The following CMYA5 variants were observed in gnomAD, a reference collection of about 807,000 sequenced individuals.
CMYA5 encodes cardiomyopathy-associated protein 5.
In CMYA5, 246 loss-of-function variants were observed where a neutral mutation model predicts 318.9. The ratio of observed to expected loss-of-function variants is 0.77; its 90% CI spans 0.70 to 0.86. The LOEUF is 0.86. Among genes scored for constraint, CMYA5 ranks in the 40% least tolerant of loss-of-function variants. The probability of loss-of-function intolerance (pLI) is 0.00; values close to 1 mark genes in which losing one functional copy is unlikely to be tolerated. For missense variants in CMYA5, 4,589 were observed against 4,678.2 expected (o/e 0.98, Z 0.56); for synonymous variants, 1,641 against 1,729.5 (o/e 0.95, Z 1.27).
chr5:79,791,180 C>T (rs763801937), intron 11 of CMYA5, 111 bp downstream of exon 11: 15 of 684,766 alleles, frequency 2.2e-5, no homozygotes, highest in South Asian at 7.0e-5. Flanking sequence ...GTGAACATGT[C>T]GGGATGTGGT....
At position 79,738,612 on chromosome 5, in the gene CMYA5, T is replaced by G; in HGVS notation, c.9847T>G (p.Trp3283Gly). Residue 3283 changes from tryptophan (W) to glycine (G), a missense_variant, in exon 2 of 13, where the codon TGG becomes GGG. Coordinates refer to ENST00000446378, the MANE Select transcript of CMYA5 (RefSeq NM_153610.5). ...YQPIAAEGEI[W>G]GKFGTICREK... ...ACCGATAGCTGCAGAAGGGGAAATT[T>G]GGGGAAAGTTTGGAACTATTTGCAG... 6.2e-7 allele frequency: 1 copy of G among 1,613,804 alleles called. No individual in the cohort carries two copies. The highest frequency in any genetic ancestry group is 8.5e-7 in the Non-Finnish European group (1 of 1,179,840).
At chr5:79,703,468 C>T (rs1473114014) in intron 1 of CMYA5, among the ~76,000 whole-genome samples, 1 of 152,178 alleles carries the variant, frequency 6.6e-6, no homozygotes, top group African/African-American at 2.4e-5. Flanking sequence ...TTTGAGGTTT[C>T]AAAACTCCTT....
chr5:79,768,135 T>G (rs1239104384), intron 9 of CMYA5, among the ~76,000 whole-genome samples: 1 of 152,160 alleles, frequency 6.6e-6, no homozygotes, highest in African/African-American at 2.4e-5. Flanking sequence ...TGCTTTTTTT[T>G]TTCTTTCCAT....
Position 79,737,549 on chromosome 5 carries a change from A to G in CMYA5, c.8784A>G (p.Thr2928=). ...EDTYAKGEDF[T]VTSKPAGLSE... Reference sequence around the variant, plus strand: ...CATATGCAAAAGGTGAAGACTTTACAGTGACTAGTAAGCCAGCCGGACTTT... The same window carrying G: ...CATATGCAAAAGGTGAAGACTTTACGGTGACTAGTAAGCCAGCCGGACTTT... Residue 2928 remains threonine (T), a synonymous_variant, in exon 2 of 13, where the codon ACA becomes ACG. Transcript: ENST00000446378. 6.2e-7 allele frequency: 1 copy of G among 1,613,706 alleles called. No homozygotes were observed. The highest frequency in any genetic ancestry group is 8.5e-7 in the Non-Finnish European group (1 of 1,179,790).
intron 11 of CMYA5, 105 bp from the exon 12 acceptor site, chr5:79,793,331 AG>A: frequency 8.9e-7 from 1 of 1,118,236 alleles, no homozygotes; most frequent in Non-Finnish European, 1.3e-6. Flanking sequence ...GCAGTTTCCA[AG>A]GGCAGAATCC....
At chr5:79,714,555 A>G (rs1244786461) in intron 1 of CMYA5, among the ~76,000 whole-genome samples, 3 of 146,472 alleles carry the variant, frequency 2.0e-5, no homozygotes, top group Admixed American at 1.4e-4. Flanking sequence ...CTTCTGCCTC[A>G]GCCTCCTGAG....
chr5:79,769,279 T>A (rs1471730194), intron 9 of CMYA5, among the ~76,000 whole-genome samples: 4 of 152,052 alleles, frequency 2.6e-5, no homozygotes, highest in Non-Finnish European at 5.9e-5. Context: ...ATAACCCACC[T>A]TCTGAAGCCG....
chr5:79,702,457 A>G (rs1172360060), intron 1 of CMYA5, among the ~76,000 whole-genome samples: 3 of 152,208 alleles, frequency 2.0e-5, no homozygotes, highest in African/African-American at 7.2e-5. Flanking sequence ...TGATACATGA[A>G]TGGACCCTGA....
chr5:79,786,524 G>A (rs9283795), intron 9 of CMYA5, among the ~76,000 whole-genome samples: 19,358 of 152,026 alleles, frequency 0.13, 1,488 homozygotes, highest in South Asian at 0.19. Context: ...CCTTAGTTTG[G>A]GTATTCTGTG....
At chr5:79,750,858 G>A (rs1456886488) in intron 5 of CMYA5, among the ~76,000 whole-genome samples, 1 of 152,064 alleles carries the variant, frequency 6.6e-6, no homozygotes, top group Non-Finnish European at 1.5e-5. Context: ...GGTGCATAAG[G>A]GAAAACTCTA....
intron 1 of CMYA5, among the ~76,000 whole-genome samples, chr5:79,694,399 TTTTGTATTTC>T (rs1257476493): frequency 6.6e-6 from 1 of 152,220 alleles, no homozygotes; most frequent in Non-Finnish European, 1.5e-5. Flanking sequence ...GGACTGTTAC[TTTTGTATTTC>T]TCTTGCTGTA....
Position 79,799,450 on chromosome 5 carries a change from AC to A in CMYA5, c.12045del (p.Tyr4015Ter), listed in dbSNP as rs777388956. ...GCCAGAGTGGGCATCCTGCTGGACTACAACAACCAGAGACTTATCTTCATCA... is the reference window on the plus strand; with the variant it reads ...GCCAGAGTGGGCATCCTGCTGGACTAAACAACCAGAGACTTATCTTCATCA... The part of the protein sequence containing the change: ...RPARVGILLD[Y>X]NNQRLIFINA... On this transcript the variant is annotated frameshift_variant, in exon 13 of 13. Coordinates refer to ENST00000446378, the MANE Select transcript of CMYA5 (RefSeq NM_153610.5). LOFTEE classifies it high-confidence loss of function. 2 of 1,614,016 alleles carry A rather than the reference AC, an allele frequency of 1.2e-6. No homozygotes were observed. Among genetic ancestry groups the A allele is most frequent in the Non-Finnish European group, 1.7e-6 (2 of 1,179,888 alleles).
intron 4 of CMYA5, 112 bp from the exon 5 acceptor site, chr5:79,746,979 A>C: frequency 3.0e-6 from 2 of 670,370 alleles, no homozygotes; most frequent in East Asian, 5.7e-5. Context: ...AAACGTGGGT[A>C]ATCTTAATGC....
chr5:79,775,650 A>C (rs1323142734), intron 9 of CMYA5, among the ~76,000 whole-genome samples: 1 of 152,216 alleles, frequency 6.6e-6, no homozygotes, highest in Non-Finnish European at 1.5e-5. Context: ...CTCTAAGATG[A>C]ATTTTTCATG....
At chr5:79,709,786 C>T (rs1439913579) in intron 1 of CMYA5, among the ~76,000 whole-genome samples, 1 of 150,810 alleles carries the variant, frequency 6.6e-6, no homozygotes. Context: ...GGTGAAACCC[C>T]GTGTCTACAA....
chr5:79,791,146 T>C, intron 11 of CMYA5, 77 bp downstream of exon 11: 1 of 902,980 alleles, frequency 1.1e-6, no homozygotes, highest in Non-Finnish European at 1.8e-6. Flanking sequence ...CAGGGTGGCC[T>C]CCGCTGAGCA....
chr5:79,772,851 G>A (rs1390546929), intron 9 of CMYA5, among the ~76,000 whole-genome samples: 2 of 152,130 alleles, frequency 1.3e-5, no homozygotes, highest in African/African-American at 2.4e-5. Flanking sequence ...TACACGGTCC[G>A]ATGCTTCAAA....
rs538280940 is a variant in CMYA5, at chr5:79,694,365, A to G, written c.149+4309A>G. On this transcript the variant is annotated intron_variant, in intron 1 of 12. Transcript: ENST00000446378. ...ATGTGCCAAACTCATGGTTTCCTGT[A>G]TGGAGAGGAGACAGAAGTAAATAGG... 2.0e-5 allele frequency among the ~76,000 whole-genome samples: 3 copies of G among 152,336 alleles called. No individual in the cohort carries two copies. The South Asian group carries it at 6.2e-4, about 32-fold the overall frequency.
chr5:79,743,562 CAAG>C (rs1252115333), intron 2 of CMYA5, among the ~76,000 whole-genome samples: 2 of 151,196 alleles, frequency 1.3e-5, no homozygotes, highest in African/African-American at 4.8e-5. Flanking sequence ...ATCAGTTTAT[CAAG>C]AAAGTCCATT....
Sources: gnomAD v4.1 joint callset for allele counts (sites outside exome capture counted in the v4.1 genomes callset) on GRCh38, gnomAD v4.1.1 for gene constraint, MANE v1.5 for transcripts, NCBI Gene and HGNC (gene_info 2026-07-23, HGNC 2026-07-21) for gene names.